Variants in AGAP5 observed in about 807,000 individuals in gnomAD.
AGAP5 encodes ArfGAP with GTPase domain, ankyrin repeat and PH domain 5, also known as arf-GAP with GTPase, ANK repeat and PH domain-containing protein 5.
A neutral mutation model predicts 27.7 loss-of-function variants in AGAP5; 8 were observed. The ratio of observed to expected loss-of-function variants is 0.29; its 90% CI spans 0.17 to 0.52. AGAP5 has a LOEUF of 0.52. AGAP5 is among the 20% of genes least tolerant of loss of function. AGAP5 has a pLI of 0.97. For missense variants in AGAP5, 285 were observed against 880.8 expected, an observed-to-expected ratio of 0.32 and a Z score of 8.56; for synonymous variants, 111 against 338.0, an observed-to-expected ratio of 0.33 and a Z score of 7.37.
At chr10:73,694,515 G>A (rs1238630588) in intron 3 of AGAP5, among the ~76,000 whole-genome samples, 4 of 152,124 alleles carry the variant, frequency 2.6e-5, no homozygotes, top group African/African-American at 7.2e-5. Context: ...AATTAATTGT[G>A]TTGATAAAAA....
At chr10:73,689,134 G>T (rs1314934690) in intron 4 of AGAP5, among the ~76,000 whole-genome samples, 3 of 151,152 alleles carry the variant, frequency 2.0e-5, no homozygotes, top group African/African-American at 7.4e-5. Context: ...TTGCAGGCGC[G>T]CGCCGCCACG....
At chr10:73,693,752 T>C (rs1468833358) in intron 3 of AGAP5, among the ~76,000 whole-genome samples, 3 of 150,656 alleles carry the variant, frequency 2.0e-5, no homozygotes, top group African/African-American at 7.3e-5. Flanking sequence ...CTCTCCTCCC[T>C]CTTTCACTGT....
rs2082167708 is a variant in AGAP5, at chr10:73,697,154, A to G, written c.233T>C (p.Phe78Ser). ...RDQEMPEALE[F>S]SLSANPEAST... ...TGCCTCTGGATTGGCAGAAAGGCTA[A>G]ACTCCAAAGCTATATGTATAGAGGG... The change falls in exon 2 of 8, where the codon TTT (phenylalanine) becomes TCT (serine). Residue 78 changes from phenylalanine (F) to serine (S), a missense_variant. Physicochemically the swap from Phe to Ser is radical, Grantham distance 155 (BLOSUM62 -2). Coordinates refer to ENST00000374094, the MANE Select transcript of AGAP5 (RefSeq NM_001144000.4). 1 of 1,598,206 alleles carries G rather than the reference A, an allele frequency of 6.3e-7. No homozygotes were observed. The highest frequency in any genetic ancestry group is 1.3e-5 in the African/African-American group (1 of 74,904).
Position 73,697,865 on chromosome 10 carries a change from G to A in AGAP5, c.-110C>T, listed in dbSNP as rs2082176104. ...CTGCACTTGCAGAGATGGTCTTCCC[G>A]CTCCTCGCCTGCCCACCTCACAGCG... On this transcript the variant is annotated 5_prime_UTR_variant, in exon 1 of 8. Transcript: ENST00000374094. 9.0e-6 allele frequency: 14 copies of A among 1,549,686 alleles called. No individual in the cohort carries two copies. The highest frequency in any genetic ancestry group is 1.2e-5 in the Non-Finnish European group (14 of 1,153,932).
Position 73,697,220 on chromosome 10 carries a change from A to G in AGAP5, c.224-57T>C, listed in dbSNP as rs2082168407. On this transcript the variant is annotated intron_variant, in intron 1 of 7. Transcript: ENST00000374094. ...TGTAATCATTTATAAAAATTTATCA[A>G]CTCATTTATTCAACTGCTGCTTATT... 3.2e-6 allele frequency: 5 copies of G among 1,585,786 alleles called. No homozygotes were observed. In the African/African-American group the frequency reaches 4.0e-5, roughly 13 times the overall value.
chr10:73,687,391 T>C (rs3998230), intron 4 of AGAP5, among the ~76,000 whole-genome samples: 1 of 152,226 alleles, frequency 6.6e-6, no homozygotes. Context: ...GTAGGTAATA[T>C]GAAAGGCGCA....
Position 73,697,076 on chromosome 10 carries a change from A to G in AGAP5, c.292+19T>C. 1 of 1,597,442 alleles carries G rather than the reference A, an allele frequency of 6.3e-7. No homozygotes were observed. The highest frequency in any genetic ancestry group is 1.1e-5 in the South Asian group (1 of 90,978). On this transcript the variant is annotated intron_variant, in intron 2 of 7. Transcript: ENST00000374094. ...GTCCCACAGGATAATAAACAGAGCT[A>G]CAGACACTGTTGTCTCACCATCTGT...
rs545287543 is a variant in AGAP5, at chr10:73,675,368, C to T, written c.1292G>A (p.Arg431Gln). 692 of 1,614,044 alleles carry T rather than the reference C, an allele frequency of 4.3e-4. No individual in the cohort carries two copies. The highest frequency in any genetic ancestry group is 2.5e-4 in the Non-Finnish European group (295 of 1,180,040). ...CTGGATGGCTTGGACCCAGGCATCC[C>T]GCTCCTCATACGTCGTGGCTTCAAA... ...WHFEATTYEE[R>Q]DAWVQAIQSQ... Residue 431 changes from arginine to glutamine, a missense_variant, in exon 8 of 8, where the codon CGG (arginine) becomes CAG (glutamine). Arg to Gln is a conservative substitution (Grantham distance 43). Coordinates refer to ENST00000374094, the MANE Select transcript of AGAP5 (RefSeq NM_001144000.4).
At chr10:73,690,176 G>A (rs1039613410) in intron 4 of AGAP5, among the ~76,000 whole-genome samples, 2 of 152,270 alleles carry the variant, frequency 1.3e-5, no homozygotes, top group African/African-American at 4.8e-5. Context: ...GTGGGGAAAG[G>A]TAGGGAAAAG....
At position 73,681,680 on chromosome 10, in the gene AGAP5, C is replaced by A. The variant is rs1374056412; in HGVS notation, c.497+1014G>T. ...CGAAATTAGTTTCAGCAAAATTAAT[C>A]TTCAAAGCTGCTTTTGAATTATATG... On this transcript the variant is annotated intron_variant, in intron 5 of 7. Transcript: ENST00000374094. 13 of 899,248 alleles carry A rather than the reference C, an allele frequency of 1.4e-5. No individual in the cohort carries two copies. In the Admixed American group the frequency reaches 6.8e-4, roughly 47 times the overall value. The allele number at this position is 899,248 out of a possible 1,614,324, so 55.7% of individuals were successfully genotyped here.
chr10:73,689,910 G>A (rs897877920), intron 4 of AGAP5, among the ~76,000 whole-genome samples: 3 of 147,986 alleles, frequency 2.0e-5, no homozygotes, highest in African/African-American at 7.5e-5. Context: ...GGTGAGGGGC[G>A]CCTCTGCCCG....
rs1010343450 is a variant in AGAP5, at chr10:73,696,622, A to G, written c.292+473T>C. Among the ~76,000 whole-genome samples, 36 of 152,100 alleles carry G rather than the reference A, an allele frequency of 2.4e-4. 1 individual carries two copies. Among genetic ancestry groups the G allele is most frequent in the Admixed American group, 2.4e-3 (36 of 15,280 alleles). On this transcript the variant is annotated intron_variant, in intron 2 of 7. Transcript: ENST00000374094. The stretch of plus-strand genomic sequence containing the variant: ...AAAGTAATCAGAGCCTCATAGGTAA[A>G]CTCCTTTGAGAAACCCCAAACACAC...
rs187333010 is a variant in AGAP5 at position 73,689,367 on chromosome 10, C to T, written c.396+2676G>A. Among the ~76,000 whole-genome samples the T allele has an allele frequency of 5.2e-3, 795 of 152,354 alleles. 11 individuals carry two copies. The highest frequency in any genetic ancestry group is 0.018 in the African/African-American group (746 of 41,574). On this transcript the variant is annotated intron_variant, in intron 4 of 7. Transcript: ENST00000374094. ...TCCACCTTCCAGCAGCCTGCCTTGG[C>T]CTCCCAAAGTGCTGAGATTGCAGCC...
chr10:73,692,049 T>C lies in AGAP5; in HGVS notation c.390A>G (p.Thr130=). The change falls in exon 4 of 8, where the codon ACA becomes ACG. Residue 130 remains threonine (T), a synonymous_variant. Coordinates refer to ENST00000374094, the MANE Select transcript of AGAP5 (RefSeq NM_001144000.4). The stretch of plus-strand genomic sequence containing the variant: ...TATTTGAGTGTTTACTTACATGGTT[T>C]GTACAGTTGCTTCTTCTTATTTCTA... The part of the protein sequence containing the change: ...DVVEIRRSNC[T]NHVSTERFSQ... 6.6e-7 allele frequency: 1 copy of C among 1,517,116 alleles called. No individual in the cohort carries two copies. Among genetic ancestry groups the C allele is most frequent in the East Asian group, 2.3e-5 (1 of 43,616 alleles). 94.0% of individuals were successfully genotyped at this position (1,517,116 alleles called of 1,614,324 possible).
chr10:73,697,971 T>G lies in AGAP5; in HGVS notation c.-216A>C, dbSNP rs2082178623. The G allele has an allele frequency of 6.7e-7, 1 of 1,492,426 alleles. No homozygotes were observed. The highest frequency in any genetic ancestry group is 1.3e-5 in the South Asian group (1 of 76,678). The allele number at this position is 1,492,426 out of a possible 1,614,324, so 92.4% of individuals were successfully genotyped here. A position where few individuals can be genotyped will look rare whatever the true frequency, so the allele number is the denominator to read the frequency against. On this transcript the variant is annotated 5_prime_UTR_variant, in exon 1 of 8. Coordinates refer to ENST00000374094, the MANE Select transcript of AGAP5 (RefSeq NM_001144000.4). Reference sequence around the variant, plus strand: ...AAGGCCCACACCCTGCTGCCTCCCCTGAGTTGACTTGTCTGGGAGGGTGAA... The same window carrying G: ...AAGGCCCACACCCTGCTGCCTCCCCGGAGTTGACTTGTCTGGGAGGGTGAA...
intron 4 of AGAP5, among the ~76,000 whole-genome samples, chr10:73,689,241 G>A (rs936443722): frequency 1.3e-5 from 2 of 152,218 alleles, no homozygotes; most frequent in African/African-American, 4.8e-5. Context: ...CGCCAGCCTC[G>A]GCCTCCCGAG....
At chr10:73,678,020 T>G (rs1337574015) in intron 6 of AGAP5, among the ~76,000 whole-genome samples, 1 of 152,202 alleles carries the variant, frequency 6.6e-6, no homozygotes, top group Non-Finnish European at 1.5e-5. Flanking sequence ...GTGCTTTTTT[T>G]TTTGTTTTTA....
At chr10:73,687,745 C>T (rs1050341664) in intron 4 of AGAP5, among the ~76,000 whole-genome samples, 4 of 151,994 alleles carry the variant, frequency 2.6e-5, no homozygotes, top group African/African-American at 9.7e-5. Flanking sequence ...AATAGATTGA[C>T]CACAAATTTA....
Position 73,674,972 on chromosome 10 carries a change from T to C in AGAP5, c.1688A>G (p.Lys563Arg). 6.2e-7 allele frequency: 1 copy of C among 1,613,158 alleles called. No individual in the cohort carries two copies. Among genetic ancestry groups the C allele is most frequent in the Non-Finnish European group, 8.5e-7 (1 of 1,179,940 alleles). The change falls in exon 8 of 8, where the codon AAG becomes AGG. Residue 563 changes from lysine to arginine, a missense_variant. By Grantham distance (26) the Lys-to-Arg change is conservative. Coordinates refer to ENST00000374094, the MANE Select transcript of AGAP5 (RefSeq NM_001144000.4). ...ATATTTGGAACGGATCCACCGTTCC[T>C]TCTCTTCCCTCGTGGACTTTACTGA... ...KPSVKSTREE[K>R]ERWIRSKYEE...
Sources: gnomAD v4.1 joint callset for allele counts (sites outside exome capture counted in the v4.1 genomes callset) on GRCh38, gnomAD v4.1.1 for gene constraint, MANE v1.5 for transcripts, NCBI Gene and HGNC (gene_info 2026-07-23, HGNC 2026-07-21) for gene names.